MAGI2: variants seen among roughly 807,000 people sequenced by gnomAD.
MAGI2 encodes membrane-associated guanylate kinase, WW and PDZ domain-containing protein 2.
MAGI2 carries 35 observed loss-of-function variants against 133.3 expected under a neutral mutation model. The observed-to-expected ratio is 0.26, with a 90% CI of 0.20 to 0.35. MAGI2 has a LOEUF of 0.35. Ranked by LOEUF, MAGI2 falls within the 10% of genes least tolerant of loss-of-function variation. The pLI is 1.00. For synonymous variants in MAGI2, 729 were observed against 710.6 expected, an observed-to-expected ratio of 1.03 and a Z score of -0.41; for missense variants, 1,636 against 1,863.4, an observed-to-expected ratio of 0.88 and a Z score of 2.25.
intron 2 of MAGI2, among the ~76,000 whole-genome samples, chr7:78,982,661 A>G (rs1490152791): frequency 1.3e-5 from 2 of 151,778 alleles, no homozygotes; most frequent in African/African-American, 4.8e-5. Flanking sequence ...GAAACACAAA[A>G]TCCCCTCTAA....
chr7:79,091,227 C>T (rs1434817811), intron 1 of MAGI2, among the ~76,000 whole-genome samples: 3 of 152,020 alleles, frequency 2.0e-5, no homozygotes, highest in Non-Finnish European at 4.4e-5. Context: ...GTAAATTCCT[C>T]TTGAAGCTTG....
chr7:79,449,495 T>G (rs2129206086), intron 1 of MAGI2, among the ~76,000 whole-genome samples: 1 of 152,148 alleles, frequency 6.6e-6, no homozygotes, highest in East Asian at 1.9e-4. Flanking sequence ...CCTGTGTAAC[T>G]GGCTGCTGTG....
At chr7:78,737,005 C>T (rs933014161) in intron 2 of MAGI2, among the ~76,000 whole-genome samples, 1 of 152,160 alleles carries the variant, frequency 6.6e-6, no homozygotes, top group African/African-American at 2.4e-5. Flanking sequence ...ACTGTTTTTA[C>T]TTGAATGAAT....
chr7:78,105,982 T>C (rs1217854634), intron 20 of MAGI2, among the ~76,000 whole-genome samples: 2 of 152,100 alleles, frequency 1.3e-5, no homozygotes, highest in Non-Finnish European at 2.9e-5. Context: ...TTTGTACCCA[T>C]TAACCATCCC....
At chr7:78,354,335 A>T (rs562172982) in intron 7 of MAGI2, among the ~76,000 whole-genome samples, 2 of 152,330 alleles carry the variant, frequency 1.3e-5, no homozygotes, top group African/African-American at 4.8e-5. Flanking sequence ...AAAAATACAC[A>T]TTCATACATA....
At chr7:78,574,089 G>T (rs1161364710) in intron 3 of MAGI2, among the ~76,000 whole-genome samples, 1 of 152,132 alleles carries the variant, frequency 6.6e-6, no homozygotes, top group African/African-American at 2.4e-5. Context: ...TAGTTGGTTG[G>T]ATATATATGG....
intron 1 of MAGI2, among the ~76,000 whole-genome samples, chr7:79,176,222 C>T (rs747314073): frequency 6.6e-6 from 1 of 151,910 alleles, no homozygotes; most frequent in Non-Finnish European, 1.5e-5. Flanking sequence ...CCTGCTGCCT[C>T]GTCAGGATTG....
chr7:79,282,480 A>G (rs1835724989), intron 1 of MAGI2, among the ~76,000 whole-genome samples: 1 of 152,192 alleles, frequency 6.6e-6, no homozygotes, highest in African/African-American at 2.4e-5. Flanking sequence ...GCAGGAAAAA[A>G]GTTAGAGAGT....
At chr7:78,681,781 T>G (rs1210416935) in intron 2 of MAGI2, among the ~76,000 whole-genome samples, 3 of 152,000 alleles carry the variant, frequency 2.0e-5, no homozygotes, top group African/African-American at 7.3e-5. Context: ...GTCACAACCC[T>G]AGAAAAATAG....
intron 1 of MAGI2, among the ~76,000 whole-genome samples, chr7:79,448,934 T>C (rs1849046709): frequency 6.6e-6 from 1 of 152,124 alleles, no homozygotes; most frequent in Non-Finnish European, 1.5e-5. Flanking sequence ...AAAACTACAG[T>C]GGTATCACTT....
At chr7:79,011,263 T>C (rs982497759) in intron 1 of MAGI2, among the ~76,000 whole-genome samples, 1 of 152,162 alleles carries the variant, frequency 6.6e-6, no homozygotes, top group Non-Finnish European at 1.5e-5. Context: ...AATTGACTGC[T>C]TTGTCATTTC....
intron 1 of MAGI2, among the ~76,000 whole-genome samples, chr7:79,396,061 T>C (rs568153016): frequency 1.3e-4 from 20 of 152,228 alleles, no homozygotes; most frequent in Non-Finnish European, 2.8e-4. Context: ...TTGAATCATT[T>C]AGCTATGTTA....
chr7:79,360,517 A>G (rs1842313507), intron 1 of MAGI2, among the ~76,000 whole-genome samples: 2 of 152,098 alleles, frequency 1.3e-5, no homozygotes, highest in African/African-American at 4.8e-5. Flanking sequence ...ATTATACTTG[A>G]TCACTGAAAC....
Position 78,186,933 on chromosome 7 carries a change from G to A in MAGI2, c.2270-1263C>T, listed in dbSNP as rs148882330. On this transcript the variant is annotated intron_variant, in intron 12 of 21. Coordinates refer to ENST00000354212, the MANE Select transcript of MAGI2 (RefSeq NM_012301.4). ...GAGAATTTCCTAAACCACACAACTG[G>A]GTTTAATAAGAGATGGGCAGAAGAC... 2.9e-3 allele frequency among the ~76,000 whole-genome samples: 438 copies of A among 152,036 alleles called. 2 individuals carry two copies. Among genetic ancestry groups the A allele is most frequent in the African/African-American group, 9.0e-3 (372 of 41,460 alleles).
At chr7:78,755,814 C>G (rs183495551) in intron 2 of MAGI2, among the ~76,000 whole-genome samples, 13 of 152,280 alleles carry the variant, frequency 8.5e-5, no homozygotes, top group Middle Eastern at 3.4e-3. Flanking sequence ...ATAGAACACC[C>G]CAGCTCAATA....
intron 2 of MAGI2, among the ~76,000 whole-genome samples, chr7:78,914,774 T>C (rs1798662876): frequency 6.6e-6 from 1 of 152,080 alleles, no homozygotes; most frequent in Non-Finnish European, 1.5e-5. Flanking sequence ...AAAAAGTGTC[T>C]CAGTATGGCA....
chr7:78,571,801 A>T (rs1369674012), intron 3 of MAGI2, among the ~76,000 whole-genome samples: 2 of 152,218 alleles, frequency 1.3e-5, no homozygotes, highest in Non-Finnish European at 2.9e-5. Flanking sequence ...TGCTTTGTCT[A>T]ATGAGTTAGT....
intron 1 of MAGI2, among the ~76,000 whole-genome samples, chr7:79,129,640 G>C (rs937374102): frequency 2.0e-5 from 3 of 152,148 alleles, no homozygotes; most frequent in African/African-American, 7.2e-5. Flanking sequence ...CATTTCAATA[G>C]GGATGCTTTA....
intron 1 of MAGI2, among the ~76,000 whole-genome samples, chr7:79,153,279 C>T (rs1823443054): frequency 6.6e-6 from 1 of 152,172 alleles, no homozygotes; most frequent in Non-Finnish European, 1.5e-5. Flanking sequence ...TAGTTACATG[C>T]TTGGCAACTG....
Sources: gnomAD v4.1 joint callset for allele counts (sites outside exome capture counted in the v4.1 genomes callset) on GRCh38, gnomAD v4.1.1 for gene constraint, MANE v1.5 for transcripts, NCBI Gene and HGNC (gene_info 2026-07-23, HGNC 2026-07-21) for gene names.